FBXW11: variants seen among roughly 807,000 people sequenced by gnomAD.
The protein encoded by FBXW11 is F-box and WD repeat domain containing 11, also known as F-box/WD repeat-containing protein 11.
Under a neutral mutation model 77.6 loss-of-function variants are expected in FBXW11, and 19 were observed. The ratio of observed to expected loss-of-function variants is 0.24; its 90% confidence interval spans 0.17 to 0.36. The LOEUF (loss-of-function observed/expected upper bound fraction) is 0.36, where lower values mean the gene tolerates loss of function less well. Among genes scored for constraint, FBXW11 ranks in the 10% least tolerant of loss-of-function variants. FBXW11 has a pLI of 1.00. For missense variants in FBXW11, 334 were observed against 704.2 expected, an observed-to-expected ratio of 0.47 and a Z score of 5.95; for synonymous variants, 235 against 249.4, an observed-to-expected ratio of 0.94 and a Z score of 0.54.
At chr5:171,966,601 C>T (rs556804978) in intron 1 of FBXW11, among the ~76,000 whole-genome samples, 1 of 152,138 alleles carries the variant, frequency 6.6e-6, no homozygotes, top group Non-Finnish European at 1.5e-5. Flanking sequence ...AATCCCCCAG[C>T]AAGCTCAAGG....
intron 7 of FBXW11, among the ~76,000 whole-genome samples, chr5:171,878,594 G>C (rs1288575629): frequency 7.9e-5 from 8 of 100,658 alleles, no homozygotes; most frequent in Admixed American, 2.1e-4. Flanking sequence ...GTGTGTGTAA[G>C]AGAGAGAGAG....
At chr5:172,004,501 G>T (rs955099037) in intron 1 of FBXW11, among the ~76,000 whole-genome samples, 6 of 151,988 alleles carry the variant, frequency 3.9e-5, no homozygotes, top group African/African-American at 7.3e-5. Context: ...TAGGCCAAAG[G>T]TTTTTATTTT....
At chr5:171,924,590 G>A (rs1404337130) in intron 2 of FBXW11, among the ~76,000 whole-genome samples, 4 of 152,020 alleles carry the variant, frequency 2.6e-5, no homozygotes, top group African/African-American at 4.8e-5. Flanking sequence ...AGGACCTACC[G>A]AACATGGGTA....
chr5:171,933,130 CAA>C (rs774171489), intron 2 of FBXW11, among the ~76,000 whole-genome samples: 2 of 36,810 alleles, frequency 5.4e-5, no homozygotes. Flanking sequence ...GACCTTCTCT[CAA>C]AAAAAAAAAA....
At chr5:171,932,557 A>T (rs1762265618) in intron 2 of FBXW11, among the ~76,000 whole-genome samples, 1 of 152,168 alleles carries the variant, frequency 6.6e-6, no homozygotes, top group Admixed American at 6.5e-5. Flanking sequence ...CAAGGTATTT[A>T]GGGTTCCCAT....
intron 1 of FBXW11, among the ~76,000 whole-genome samples, chr5:171,960,192 A>G (rs1184003282): frequency 1.3e-5 from 2 of 152,206 alleles, no homozygotes; most frequent in Non-Finnish European, 2.9e-5. Flanking sequence ...CCTGAGCAAC[A>G]TGGTGAAACC....
chr5:171,961,125 A>C (rs1412992154), intron 1 of FBXW11, among the ~76,000 whole-genome samples: 1 of 152,198 alleles, frequency 6.6e-6, no homozygotes, highest in African/African-American at 2.4e-5. Context: ...TCAGAGATGA[A>C]GTAATTTACT....
intron 2 of FBXW11, among the ~76,000 whole-genome samples, chr5:171,940,739 T>G (rs570294981): frequency 9.2e-5 from 14 of 151,962 alleles, no homozygotes; most frequent in Admixed American, 1.3e-4. Context: ...AATACAAAAA[T>G]TAGCCAGGCG....
chr5:171,943,686 T>C (rs995927649), intron 2 of FBXW11, among the ~76,000 whole-genome samples: 2 of 152,214 alleles, frequency 1.3e-5, no homozygotes, highest in African/African-American at 2.4e-5. Flanking sequence ...CCTGACCTCA[T>C]GATCCGCCCG....
chr5:171,968,219 G>A (rs906696510), intron 1 of FBXW11, among the ~76,000 whole-genome samples: 13 of 152,122 alleles, frequency 8.5e-5, no homozygotes, highest in Non-Finnish European at 1.6e-4. Flanking sequence ...CACTTTGGGA[G>A]GCCGAGGTGG....
intron 2 of FBXW11, among the ~76,000 whole-genome samples, chr5:171,947,612 G>A (rs1401319363): frequency 1.3e-5 from 2 of 151,916 alleles, no homozygotes; most frequent in African/African-American, 2.4e-5. Flanking sequence ...TCTAAGGTAT[G>A]AAGCATGAAT....
At chr5:171,897,224 A>G (rs1759799978) in intron 6 of FBXW11, among the ~76,000 whole-genome samples, 1 of 152,258 alleles carries the variant, frequency 6.6e-6, no homozygotes, top group South Asian at 2.1e-4. Context: ...TTAACAAAGT[A>G]TCTGGCATAA....
chr5:171,924,863 C>G (rs1157953722), intron 2 of FBXW11, among the ~76,000 whole-genome samples: 1 of 150,468 alleles, frequency 6.6e-6, no homozygotes, highest in Non-Finnish European at 1.5e-5. Flanking sequence ...GCCAGAGTTG[C>G]GACATGCTGT....
chr5:171,927,878 T>A (rs1761972718), intron 2 of FBXW11, among the ~76,000 whole-genome samples: 1 of 152,248 alleles, frequency 6.6e-6, no homozygotes, highest in Non-Finnish European at 1.5e-5. Context: ...CTGAATTTCC[T>A]TTGCGAATTC....
At chr5:171,871,500 G>C (rs1757751562) in intron 10 of FBXW11, among the ~76,000 whole-genome samples, 1 of 152,214 alleles carries the variant, frequency 6.6e-6, no homozygotes, top group East Asian at 1.9e-4. Flanking sequence ...TACAAAGTCA[G>C]AGTGGGAGAC....
intron 2 of FBXW11, among the ~76,000 whole-genome samples, chr5:171,930,036 C>A (rs1463630046): frequency 6.6e-6 from 1 of 152,074 alleles, no homozygotes; most frequent in African/African-American, 2.4e-5. Flanking sequence ...AGCCATAAAT[C>A]TTCATGAAGA....
chr5:171,997,533 C>G (rs983891066), intron 1 of FBXW11, among the ~76,000 whole-genome samples: 1 of 152,200 alleles, frequency 6.6e-6, no homozygotes, highest in African/African-American at 2.4e-5. Flanking sequence ...ACATATAAGA[C>G]ATCATATCTA....
At chr5:171,905,534 C>A (rs939913849) in intron 4 of FBXW11, among the ~76,000 whole-genome samples, 2 of 151,428 alleles carry the variant, frequency 1.3e-5, no homozygotes, top group African/African-American at 2.4e-5. Context: ...ACACAATATT[C>A]TTCTTGTTAC....
At chr5:171,913,448 G>T (rs1450105083) in intron 3 of FBXW11, among the ~76,000 whole-genome samples, 1 of 152,186 alleles carries the variant, frequency 6.6e-6, no homozygotes, top group South Asian at 2.1e-4. Flanking sequence ...AACGTGGAGG[G>T]TACAAAACTC....
Sources: gnomAD v4.1 joint callset for allele counts (sites outside exome capture counted in the v4.1 genomes callset) on GRCh38, gnomAD v4.1.1 for gene constraint, MANE v1.5 for transcripts, NCBI Gene and HGNC (gene_info 2026-07-23, HGNC 2026-07-21) for gene names.